MEF2C: variants seen among roughly 807,000 people sequenced by gnomAD.
MEF2C encodes the protein myocyte enhancer factor 2C, also known as myocyte-specific enhancer factor 2C.
A neutral mutation model predicts 50.5 loss-of-function variants in MEF2C; 6 were observed. The observed-to-expected ratio is 0.12, with a 90% CI of 0.07 to 0.23. The LOEUF is 0.23. Ranked by LOEUF, MEF2C falls within the 10% of genes least tolerant of loss-of-function variation. The pLI, the probability that MEF2C is intolerant of heterozygous loss-of-function variation, is 1.00. For synonymous variants in MEF2C, 183 were observed against 228.0 expected, an observed-to-expected ratio of 0.80 and a Z score of 1.78; for missense variants, 276 against 605.0, an observed-to-expected ratio of 0.46 and a Z score of 5.70.
At position 88,853,393 on chromosome 5, in the gene MEF2C, G is replaced by A. The variant is rs190998976; in HGVS notation, c.-142-29463C>T. ...AGGGTAGCCAGGGAGCTTCCATTAG[G>A]ACCATTAAGAAGAAACGTTCTGTTA... is the stretch of plus-strand genomic sequence containing the variant. On this transcript the variant is annotated intron_variant, in intron 1 of 10. Coordinates refer to ENST00000504921, the MANE Select transcript of MEF2C (RefSeq NM_002397.5). Among the ~76,000 whole-genome samples, 540 of 152,284 alleles carry A rather than the reference G, an allele frequency of 3.5e-3. 1 individual carries two copies. Among genetic ancestry groups the A allele is most frequent in the Non-Finnish European group, 6.1e-3 (413 of 68,020 alleles).
intron 1 of MEF2C, among the ~76,000 whole-genome samples, chr5:88,888,692 T>G (rs930457527): frequency 2.6e-5 from 4 of 151,274 alleles, no homozygotes; most frequent in African/African-American, 9.7e-5. Context: ...GCAATCTTCA[T>G]GAAATAACAT....
chr5:88,869,920 A>C (rs528870071), intron 1 of MEF2C, among the ~76,000 whole-genome samples: 1 of 151,478 alleles, frequency 6.6e-6, no homozygotes, highest in Admixed American at 6.6e-5. Flanking sequence ...CTTTGGGTTT[A>C]ACTTAGTGGT....
chr5:88,806,361 T>A (rs1395932865), intron 2 of MEF2C, among the ~76,000 whole-genome samples: 2 of 152,184 alleles, frequency 1.3e-5, no homozygotes, highest in East Asian at 1.9e-4. Context: ...GTCCTCCAGT[T>A]CCACACCTGT....
At chr5:88,733,898 G>A (rs1561711605) in intron 6 of MEF2C, 4 of 985,232 alleles carry the variant, frequency 4.1e-6, no homozygotes, top group East Asian at 2.3e-4. Context: ...AAAACTTCTG[G>A]AATATTAGCC....
chr5:88,722,593 T>C lies in MEF2C; in HGVS notation c.*11A>G, dbSNP rs914146505. The C allele has an allele frequency of 1.9e-6, 3 of 1,592,314 alleles. No individual in the cohort carries two copies. The highest frequency in any genetic ancestry group is 2.6e-6 in the Non-Finnish European group (3 of 1,171,144). On this transcript the variant is annotated 3_prime_UTR_variant, in exon 11 of 11. Coordinates refer to ENST00000504921, the MANE Select transcript of MEF2C (RefSeq NM_002397.5). Reference sequence around the variant, plus strand: ...CAAGAAAAAAAAAAAAACTAGTAAGTAATAATCTGATCATGTTGCCCATCC... The same window carrying C: ...CAAGAAAAAAAAAAAAACTAGTAAGCAATAATCTGATCATGTTGCCCATCC...
chr5:88,766,304 T>A (rs911231250), intron 3 of MEF2C, among the ~76,000 whole-genome samples: 4 of 152,198 alleles, frequency 2.6e-5, no homozygotes, highest in African/African-American at 9.6e-5. Flanking sequence ...GGAGCTCTCA[T>A]TTCTTGTTTT....
chr5:88,882,755 C>T (rs919828622), intron 1 of MEF2C, among the ~76,000 whole-genome samples, 200 bp downstream of exon 1: 3 of 152,002 alleles, frequency 2.0e-5, no homozygotes, highest in African/African-American at 7.3e-5. Context: ...CAAACGGATA[C>T]GACTATCTAA....
At chr5:88,724,367 G>A (rs1757676092) in intron 10 of MEF2C, among the ~76,000 whole-genome samples, 1 of 152,064 alleles carries the variant, frequency 6.6e-6, no homozygotes, top group Non-Finnish European at 1.5e-5. Context: ...TCAGAAACGA[G>A]TTTATCTTTG....
chr5:88,898,040 G>A (rs754859150), intron 1 of MEF2C, among the ~76,000 whole-genome samples: 17 of 152,068 alleles, frequency 1.1e-4, no homozygotes, highest in Non-Finnish European at 2.4e-4. Context: ...ACTCTCTTAA[G>A]GTGAGGGGAA....
upstream of MEF2C, chr5:88,888,035 G>C (rs190057945): frequency 6.6e-6 from 1 of 152,210 alleles, no homozygotes; most frequent in African/African-American, 2.4e-5. Flanking sequence ...TTGTCAAATC[G>C]GGAAATGTTT....
At chr5:88,816,111 G>A (rs1042392838) in intron 2 of MEF2C, among the ~76,000 whole-genome samples, 1 of 151,946 alleles carries the variant, frequency 6.6e-6, no homozygotes, top group Non-Finnish European at 1.5e-5. Context: ...AAACCCTTGA[G>A]GCCCTCAAGT....
chr5:88,868,143 G>A (rs1430150887), intron 1 of MEF2C, among the ~76,000 whole-genome samples: 3 of 152,040 alleles, frequency 2.0e-5, no homozygotes, highest in African/African-American at 2.4e-5. Flanking sequence ...ATGGCCCCAC[G>A]GTGCATATCC....
intron 1 of MEF2C, among the ~76,000 whole-genome samples, chr5:88,858,579 GACCC>G (rs892055452): frequency 6.6e-6 from 1 of 152,094 alleles, no homozygotes; most frequent in African/African-American, 2.4e-5. Flanking sequence ...TGGATTCTGG[GACCC>G]ACCCACCTAT....
chr5:88,739,026 C>T (rs1765302472), intron 6 of MEF2C: 14 of 980,780 alleles, frequency 1.4e-5, no homozygotes, highest in Non-Finnish European at 1.5e-5. Context: ...TAATCTTCTC[C>T]CCTGTAATAT....
intron 5 of MEF2C, 91 bp downstream of exon 5, chr5:88,751,766 A>G: frequency 1.6e-5 from 22 of 1,393,802 alleles, no homozygotes; most frequent in Non-Finnish European, 2.1e-5. Flanking sequence ...GTGGAAAACC[A>G]GAAAACATCT....
At chr5:88,731,956 C>G in intron 6 of MEF2C, 55 bp from the exon 7 acceptor site, 1 of 1,477,736 alleles carries the variant, frequency 6.8e-7, no homozygotes, top group Non-Finnish European at 9.2e-7. Context: ...AAATACGTTT[C>G]CGAAGAATAC....
At chr5:88,847,612 T>C (rs1428885461) in intron 1 of MEF2C, among the ~76,000 whole-genome samples, 1 of 152,104 alleles carries the variant, frequency 6.6e-6, no homozygotes, top group Non-Finnish European at 1.5e-5. Flanking sequence ...TAGAAAAAGA[T>C]AAAAAGAGCT....
At chr5:88,876,218 G>A (rs2149995357) in intron 1 of MEF2C, among the ~76,000 whole-genome samples, 1 of 151,892 alleles carries the variant, frequency 6.6e-6, no homozygotes, top group East Asian at 1.9e-4. Flanking sequence ...TATAAAAAAT[G>A]TGGCAAAAAT....
chr5:88,788,649 C>T (rs1292161270), intron 3 of MEF2C, among the ~76,000 whole-genome samples: 2 of 152,140 alleles, frequency 1.3e-5, no homozygotes, highest in Non-Finnish European at 2.9e-5. Flanking sequence ...GATAGTGAGA[C>T]TGAAAAGCTG....
Sources: gnomAD v4.1 joint callset for allele counts (sites outside exome capture counted in the v4.1 genomes callset) on GRCh38, gnomAD v4.1.1 for gene constraint, MANE v1.5 for transcripts, NCBI Gene and HGNC (gene_info 2026-07-23, HGNC 2026-07-21) for gene names.